The following DNAJC3 variants were observed in gnomAD, a reference collection of about 807,000 sequenced individuals.
DNAJC3 encodes dnaJ homolog subfamily C member 3.
DNAJC3 carries 38 observed loss-of-function variants against 68.6 expected under a neutral mutation model. The observed-to-expected ratio is 0.55, with a 90% CI of 0.43 to 0.73. The LOEUF is 0.73. Among genes scored for constraint, DNAJC3 ranks in the 30% least tolerant of loss-of-function variants. DNAJC3 has a pLI of 0.00. For synonymous variants in DNAJC3, 203 were observed against 204.0 expected, an observed-to-expected ratio of 1.00 and a Z score of 0.04; for missense variants, 526 against 591.9, an observed-to-expected ratio of 0.89 and a Z score of 1.16.
intron 4 of DNAJC3, among the ~76,000 whole-genome samples, chr13:95,735,711 C>G (rs1309682398): frequency 1.3e-5 from 2 of 150,574 alleles, no homozygotes; most frequent in Middle Eastern, 3.4e-3. Flanking sequence ...ATTGTAGATT[C>G]TGGATATTAG....
At chr13:95,738,195 T>TTA (rs1261568260) in intron 4 of DNAJC3, among the ~76,000 whole-genome samples, 2 of 149,324 alleles carry the variant, frequency 1.3e-5, no homozygotes, top group African/African-American at 2.5e-5. Flanking sequence ...AGATAGTTTG[T>TTA]TATAATTTCT....
At chr13:95,743,441 T>C (rs949539849) in intron 4 of DNAJC3, among the ~76,000 whole-genome samples, 9 of 152,218 alleles carry the variant, frequency 5.9e-5, no homozygotes, top group Admixed American at 2.6e-4. Flanking sequence ...CTGCTTATGA[T>C]TGGCCGAGAC....
chr13:95,730,599 T>C (rs1308643262), intron 4 of DNAJC3, among the ~76,000 whole-genome samples: 1 of 152,184 alleles, frequency 6.6e-6, no homozygotes, highest in East Asian at 1.9e-4. Context: ...TCTCGGCCCC[T>C]TTGTTAAAAA....
intron 9 of DNAJC3, among the ~76,000 whole-genome samples, chr13:95,776,215 G>A (rs149368874): frequency 2.1e-4 from 32 of 152,188 alleles, no homozygotes; most frequent in African/African-American, 5.5e-4. Flanking sequence ...ATATGAATGC[G>A]TCTGATGCTG....
At chr13:95,677,977 A>G (rs999932440) in intron 1 of DNAJC3, among the ~76,000 whole-genome samples, 1 of 152,200 alleles carries the variant, frequency 6.6e-6, no homozygotes, top group African/African-American at 2.4e-5. Context: ...ACATGGTGTC[A>G]TTCAACGTAT....
chr13:95,684,096 A>T (rs11618323), intron 1 of DNAJC3, among the ~76,000 whole-genome samples: 17,440 of 152,124 alleles, frequency 0.11, 1,122 homozygotes, highest in Middle Eastern at 0.2. Context: ...AGAGGTTGGG[A>T]CAGTTTGGAG....
chr13:95,726,123 C>T (rs113196067), intron 4 of DNAJC3, among the ~76,000 whole-genome samples: 2,576 of 151,660 alleles, frequency 0.017, 78 homozygotes, highest in African/African-American at 0.059. Flanking sequence ...TGAATAGTGC[C>T]GCAATAAACA....
intron 4 of DNAJC3, among the ~76,000 whole-genome samples, chr13:95,739,192 C>G (rs917381330): frequency 1.3e-5 from 2 of 152,136 alleles, no homozygotes; most frequent in African/African-American, 2.4e-5. Flanking sequence ...CTGAGAGATC[C>G]GCTATTAGTC....
chr13:95,690,239 C>T (rs907124496), intron 1 of DNAJC3, among the ~76,000 whole-genome samples: 14 of 152,038 alleles, frequency 9.2e-5, no homozygotes, highest in African/African-American at 2.2e-4. Context: ...CATCTTGCAC[C>T]GCCCCTAATC....
chr13:95,755,919 C>G (rs1262720774), intron 4 of DNAJC3, among the ~76,000 whole-genome samples: 1 of 152,048 alleles, frequency 6.6e-6, no homozygotes, highest in Non-Finnish European at 1.5e-5. Context: ...CTCCCTCTTC[C>G]CCACCTCTCT....
At chr13:95,785,302 T>C (rs879897324) in intron 9 of DNAJC3, among the ~76,000 whole-genome samples, 10 of 152,112 alleles carry the variant, frequency 6.6e-5, no homozygotes, top group Admixed American at 5.2e-4. Context: ...GGTGGTAAGA[T>C]TGCTCTGGAT....
At chr13:95,696,497 CA>C (rs1169562362) in intron 1 of DNAJC3, among the ~76,000 whole-genome samples, 4 of 152,156 alleles carry the variant, frequency 2.6e-5, no homozygotes, top group African/African-American at 9.7e-5. Flanking sequence ...GGAGCACTGT[CA>C]TGCATTTGGT....
chr13:95,736,372 G>C (rs1290117926), intron 4 of DNAJC3, among the ~76,000 whole-genome samples: 1 of 150,004 alleles, frequency 6.7e-6, no homozygotes, highest in Non-Finnish European at 1.5e-5. Flanking sequence ...GTCATTGGTA[G>C]CTTGATGGGG....
chr13:95,747,505 G>T lies in DNAJC3; in HGVS notation c.394-10139G>T, dbSNP rs530149142. ...GTGCCTGTCATTTAGGAAATGTCCA[G>T]TAAGCTGGAGTATGAGACTCTTGAC... On this transcript the variant is annotated intron_variant, in intron 4 of 11. Transcript: ENST00000602402. Among the ~76,000 whole-genome samples, 3 of 152,358 alleles carry T rather than the reference G, an allele frequency of 2.0e-5. No individual in the cohort carries two copies. In the East Asian group the frequency reaches 5.8e-4, roughly 29 times the overall value.
chr13:95,678,738 T>TTAAG (rs1054066420), intron 1 of DNAJC3, among the ~76,000 whole-genome samples: 2 of 152,214 alleles, frequency 1.3e-5, no homozygotes, highest in Non-Finnish European at 2.9e-5. Context: ...ATTTTTTTTT[T>TTAAG]TAAGTTACAG....
chr13:95,725,243 T>TA lies in DNAJC3; in HGVS notation c.390dup (p.Val131SerfsTer5). ...AACTTGATGAAGCAGAAGATGATTT[T>TA]AAAAAAGTGGTAAGTTCAATATGTA... On this transcript the variant is annotated frameshift_variant, in exon 4 of 12. Transcript: ENST00000602402. LOFTEE classifies it high-confidence loss of function. 1 of 1,594,058 alleles carries TA rather than the reference T, an allele frequency of 6.3e-7. No individual in the cohort carries two copies. Among genetic ancestry groups the TA allele is most frequent in the Admixed American group, 1.8e-5 (1 of 54,876 alleles).
chr13:95,766,177 T>A (rs916702469), intron 9 of DNAJC3, among the ~76,000 whole-genome samples: 9 of 152,192 alleles, frequency 5.9e-5, no homozygotes, highest in African/African-American at 1.4e-4. Flanking sequence ...AGATAAGCAA[T>A]TTAAAGTGAT....
rs1472626395 is a variant in DNAJC3, at chr13:95,791,002, CATTTAG to C, written c.1493_1498del (p.Arg498_Phe499del). The C allele has an allele frequency of 9.3e-6, 15 of 1,613,604 alleles. No homozygotes were observed. The African/African-American group carries it at 1.9e-4, about 20-fold the overall frequency. The stretch of plus-strand genomic sequence containing the variant: ...TTCAATCCCTTCAGCTCAGGCGGAC[CATTTAG>C]ATTTAAATTCCACTTCAATTAAACC... On this transcript the variant is annotated inframe_deletion, in exon 12 of 12. Transcript: ENST00000602402.
intron 1 of DNAJC3, among the ~76,000 whole-genome samples, chr13:95,699,294 T>G (rs1047801869): frequency 3.3e-5 from 5 of 152,220 alleles, no homozygotes; most frequent in East Asian, 1.9e-4. Flanking sequence ...AGATCTCAGT[T>G]TTATTCTGGA....
Sources: allele counts gnomAD v4.1 joint callset (sites outside exome capture counted in the v4.1 genomes callset), GRCh38; gene constraint gnomAD v4.1.1; transcripts MANE v1.5; gene names NCBI Gene and HGNC (gene_info 2026-07-23, HGNC 2026-07-21).